Variants in PPARA observed in about 807,000 individuals in gnomAD.
PPARA encodes peroxisome proliferator-activated receptor alpha.
A neutral mutation model predicts 42.2 loss-of-function variants in PPARA; 22 were observed. The observed-to-expected ratio is 0.52, with a 90% CI of 0.37 to 0.74. The LOEUF is 0.74. PPARA is among the 30% of genes least tolerant of loss of function. PPARA has a pLI of 0.00. For missense variants in PPARA, 465 were observed against 608.2 expected (o/e 0.76, Z 2.48); for synonymous variants, 242 against 239.3 (o/e 1.01, Z -0.10).
intron 4 of PPARA, among the ~76,000 whole-genome samples, chr22:46,214,921 T>C (rs1402258524): frequency 6.6e-6 from 1 of 152,068 alleles, no homozygotes; most frequent in East Asian, 1.9e-4. Flanking sequence ...CTGAGGTGTG[T>C]GGGTCCGGAG....
rs996239224 is a variant in PPARA at position 46,204,791 on chromosome 22, C to T, written c.208+6200C>T. 6.6e-6 allele frequency among the ~76,000 whole-genome samples: 1 copy of T among 151,764 alleles called. No individual in the cohort carries two copies. Among genetic ancestry groups the T allele is most frequent in the Admixed American group, 6.6e-5 (1 of 15,238 alleles). ...CAGACATGTGATCTACAAATATTTT[C>T]CCCAGTGTGTGGTTTGTCTTTCTTT... On this transcript the variant is annotated intron_variant, in intron 4 of 8. Coordinates refer to ENST00000407236, the MANE Select transcript of PPARA (RefSeq NM_005036.6). The surrounding 1 kb of genome is among the most constrained non-coding windows in gnomAD (Gnocchi z 5.2).
intron 3 of PPARA, among the ~76,000 whole-genome samples, chr22:46,179,346 G>GA (rs1434911076): frequency 1.3e-5 from 2 of 152,086 alleles, no homozygotes; most frequent in African/African-American, 4.8e-5. Flanking sequence ...GGATGAAAAA[G>GA]AAAAACCATG....
rs546958938 is a variant in PPARA at position 46,204,059 on chromosome 22, C to T, written c.208+5468C>T. ...AGTAAACCATGAATCCACTTTCTAT[C>T]ATTCTAGGTTGCTTTATATTTCCTA... On this transcript the variant is annotated intron_variant, in intron 4 of 8. Transcript: ENST00000407236. The surrounding 1 kb of genome is among the most constrained non-coding windows in gnomAD (Gnocchi z 5.2). 8.2e-4 allele frequency among the ~76,000 whole-genome samples: 125 copies of T among 152,356 alleles called. No homozygotes were observed. Among genetic ancestry groups the T allele is most frequent in the Middle Eastern group, 3.4e-3 (1 of 294 alleles).
rs1313872486 is a variant in PPARA at position 46,227,506 on chromosome 22, C to G, written c.712-4286C>G. On this transcript the variant is annotated intron_variant, in intron 7 of 8. Coordinates refer to ENST00000407236, the MANE Select transcript of PPARA (RefSeq NM_005036.6). The surrounding 1 kb of genome is among the most constrained non-coding windows in gnomAD (Gnocchi z 4.3). ...ACCTCAGGTCATCCACCTACCTTGG[C>G]CTCCCAAAGTGCTGGCATTGCGGGC... 3.9e-5 allele frequency among the ~76,000 whole-genome samples: 6 copies of G among 152,240 alleles called. No individual in the cohort carries two copies. The highest frequency in any genetic ancestry group is 8.8e-5 in the Non-Finnish European group (6 of 68,050).
Position 46,188,549 on chromosome 22 carries a change from A to G in PPARA, c.-42-9793A>G, listed in dbSNP as rs576609753. ...CTCTCACCTGCTAGTTGGGCAAGTT[A>G]CTCACTTCTCTCAACCTCTGCATTT... On this transcript the variant is annotated intron_variant, in intron 3 of 8. Transcript: ENST00000407236. The surrounding 1 kb of genome is among the most constrained non-coding windows in gnomAD (Gnocchi z 5.0). Among the ~76,000 whole-genome samples, 4 of 152,062 alleles carry G rather than the reference A, an allele frequency of 2.6e-5. No homozygotes were observed. Among genetic ancestry groups the G allele is most frequent in the Admixed American group, 2.6e-4 (4 of 15,268 alleles).
rs1192668537 is a variant in PPARA at position 46,196,436 on chromosome 22, T to TGC, written c.-42-1903_-42-1902dup. Among the ~76,000 whole-genome samples, 1 of 152,228 alleles carries TGC rather than the reference T, an allele frequency of 6.6e-6. No individual in the cohort carries two copies. Among genetic ancestry groups the TGC allele is most frequent in the African/African-American group, 2.4e-5 (1 of 41,462 alleles). On this transcript the variant is annotated intron_variant, in intron 3 of 8. Transcript: ENST00000407236. The surrounding 1 kb of genome is among the most constrained non-coding windows in gnomAD (Gnocchi z 5.6). ...AGCACACATGCCACCGGCTTGGCCC[T>TGC]GCGCCCCGCAGCCTGAGCCACACTG...
chr22:46,165,016 A>G lies in PPARA; in HGVS notation c.-126-11737A>G, dbSNP rs1166620336. 1 of 151,960 alleles carries G rather than the reference A, an allele frequency of 6.6e-6. No individual in the cohort carries two copies. Among genetic ancestry groups the G allele is most frequent in the Non-Finnish European group, 1.5e-5 (1 of 67,976 alleles). 9.4% of individuals were successfully genotyped at this position (151,960 alleles called of 1,614,324 possible). ...GTTGGGGAACTCCATTTCTTTTTTT[A>G]CATTTTTATTTATTTTCATTTGTTT... On this transcript the variant is annotated intron_variant, in intron 2 of 8. Coordinates refer to ENST00000407236, the MANE Select transcript of PPARA (RefSeq NM_005036.6). The surrounding 1 kb of genome is among the most constrained non-coding windows in gnomAD (Gnocchi z 5.5).
chr22:46,157,431 A>T (rs1028539690), intron 2 of PPARA, among the ~76,000 whole-genome samples: 43 of 152,208 alleles, frequency 2.8e-4, no homozygotes, highest in African/African-American at 1.0e-3. Flanking sequence ...ACCTAGACTG[A>T]GAGAGAGCTC....
intron 2 of PPARA, among the ~76,000 whole-genome samples, chr22:46,174,587 T>C (rs1366446149): frequency 1.8e-4 from 28 of 151,920 alleles, no homozygotes; most frequent in African/African-American, 6.8e-4. Context: ...GAAGCCGAGG[T>C]GGGAGGATCA....
chr22:46,174,933 A>T lies in PPARA; in HGVS notation c.-126-1820A>T, dbSNP rs573479128. ...TTTTTTTTACTTTTTTTTTTTTGAG[A>T]CAGAGTCTCATTCTGTCACCCAGGC... On this transcript the variant is annotated intron_variant, in intron 2 of 8. Coordinates refer to ENST00000407236, the MANE Select transcript of PPARA (RefSeq NM_005036.6). Among the ~76,000 whole-genome samples, 389 of 150,718 alleles carry T rather than the reference A, an allele frequency of 2.6e-3. 4 individuals are homozygous for T. In the South Asian group the frequency reaches 0.032, roughly 13 times the overall value.
chr22:46,223,103 C>T (rs1486226797), intron 7 of PPARA, among the ~76,000 whole-genome samples: 3 of 152,160 alleles, frequency 2.0e-5, no homozygotes, highest in Admixed American at 2.0e-4. Flanking sequence ...CTGCAGCGAG[C>T]CACGATCGCG....
Position 46,240,301 on chromosome 22 carries a change from G to A in PPARA, c.*4921G>A, listed in dbSNP as rs1442704606. On this transcript the variant is annotated 3_prime_UTR_variant, in exon 9 of 9. Transcript: ENST00000407236. The surrounding 1 kb of genome is among the most constrained non-coding windows in gnomAD (Gnocchi z 6.0). The stretch of plus-strand genomic sequence containing the variant: ...AAAATGAAAACACCAGCCTCCAGAT[G>A]TAGGGCCTGCTGGGTGTTGCTAGCC... The A allele has an allele frequency of 2.0e-5, 8 of 398,536 alleles. No homozygotes were observed. The highest frequency in any genetic ancestry group is 3.5e-5 in the Non-Finnish European group (8 of 226,092). The allele number at this position is 398,536 out of a possible 1,614,324, so 24.7% of individuals were successfully genotyped here.
rs1932245378 is a variant in PPARA at position 46,196,449 on chromosome 22, C to G, written c.-42-1893C>G. 6.6e-6 allele frequency among the ~76,000 whole-genome samples: 1 copy of G among 152,260 alleles called. No homozygotes were observed. The highest frequency in any genetic ancestry group is 2.4e-5 in the African/African-American group (1 of 41,476). On this transcript the variant is annotated intron_variant, in intron 3 of 8. Coordinates refer to ENST00000407236, the MANE Select transcript of PPARA (RefSeq NM_005036.6). This position sits in a 1 kb window ranked among gnomAD's most constrained non-coding sequence, Gnocchi z 5.6. Reference sequence around the variant, plus strand: ...CCGGCTTGGCCCTGCGCCCCGCAGCCTGAGCCACACTGGCTGCCTGTTCCT... The same window carrying G: ...CCGGCTTGGCCCTGCGCCCCGCAGCGTGAGCCACACTGGCTGCCTGTTCCT...
intron 2 of PPARA, among the ~76,000 whole-genome samples, chr22:46,153,520 A>G (rs977219402): frequency 3.9e-5 from 6 of 152,196 alleles, no homozygotes; most frequent in African/African-American, 1.4e-4. Flanking sequence ...ATCATCGAAT[A>G]CTGCAGTGGT....
rs754669192 is a variant in PPARA at position 46,231,769 on chromosome 22, T to G, written c.712-23T>G. The G allele has an allele frequency of 6.2e-7, 1 of 1,608,830 alleles. No homozygotes were observed. The highest frequency in any genetic ancestry group is 8.5e-7 in the Non-Finnish European group (1 of 1,177,980). On this transcript the variant is annotated intron_variant, in intron 7 of 8. Coordinates refer to ENST00000407236, the MANE Select transcript of PPARA (RefSeq NM_005036.6). The surrounding 1 kb of genome is among the most constrained non-coding windows in gnomAD (Gnocchi z 7.7). ...ATAGCGCATCCCACATCACCTGACTTACCTTGGTGTCCTCCTTTGTAGCCT... is the reference window on the plus strand; with the variant it reads ...ATAGCGCATCCCACATCACCTGACTGACCTTGGTGTCCTCCTTTGTAGCCT...
chr22:46,194,807 T>C (rs1601707171), intron 3 of PPARA, among the ~76,000 whole-genome samples: 1 of 151,050 alleles, frequency 6.6e-6, no homozygotes, highest in Non-Finnish European at 1.5e-5. Context: ...CTCCTGACCT[T>C]AAGTGATCAG....
At position 46,165,017 on chromosome 22, in the gene PPARA, C is replaced by T. The variant is rs922662077; in HGVS notation, c.-126-11736C>T. 2.8e-4 allele frequency: 42 copies of T among 152,146 alleles called. No homozygotes were observed. Among genetic ancestry groups the T allele is most frequent in the African/African-American group, 8.4e-4 (35 of 41,524 alleles). 9.4% of individuals were successfully genotyped at this position (152,146 alleles called of 1,614,324 possible). On this transcript the variant is annotated intron_variant, in intron 2 of 8. Coordinates refer to ENST00000407236, the MANE Select transcript of PPARA (RefSeq NM_005036.6). This position sits in a 1 kb window ranked among gnomAD's most constrained non-coding sequence, Gnocchi z 5.5. ...TTGGGGAACTCCATTTCTTTTTTTA[C>T]ATTTTTATTTATTTTCATTTGTTTA...
In PPARA at chr22:46,234,278, A is replaced by G. The variant is rs1175827201; in HGVS notation, c.1160-855A>G. On this transcript the variant is annotated intron_variant, in intron 8 of 8. Coordinates refer to ENST00000407236, the MANE Select transcript of PPARA (RefSeq NM_005036.6). The surrounding 1 kb of genome is among the most constrained non-coding windows in gnomAD (Gnocchi z 5.8). The stretch of plus-strand genomic sequence containing the variant: ...ATACAAAAACAAGAATTTTAGAAAT[A>G]AAAACTTAATAATTACATTTACAAC... 3.3e-5 allele frequency among the ~76,000 whole-genome samples: 5 copies of G among 152,346 alleles called. No homozygotes were observed. In the South Asian group the frequency reaches 8.3e-4, roughly 25 times the overall value.
rs573949777 is a variant in PPARA at position 46,173,303 on chromosome 22, A to G, written c.-126-3450A>G. On this transcript the variant is annotated intron_variant, in intron 2 of 8. Coordinates refer to ENST00000407236, the MANE Select transcript of PPARA (RefSeq NM_005036.6). This position sits in a 1 kb window ranked among gnomAD's most constrained non-coding sequence, Gnocchi z 4.3. The stretch of plus-strand genomic sequence containing the variant: ...TGTAGCTCTGGGAACCTCTAGTTCC[A>G]AATAAGAAAGCCTTGGACACATTTC... 1.3e-5 allele frequency among the ~76,000 whole-genome samples: 2 copies of G among 152,352 alleles called. No individual in the cohort carries two copies. The highest frequency in any genetic ancestry group is 3.9e-4 in the East Asian group (2 of 5,188).
Sources: gnomAD v4.1 joint callset for allele counts (sites outside exome capture counted in the v4.1 genomes callset) on GRCh38, gnomAD v4.1.1 for gene constraint, Gnocchi (gnomAD v3.1) non-coding constraint, MANE v1.5 for transcripts, NCBI Gene and HGNC (gene_info 2026-07-23, HGNC 2026-07-21) for gene names.